Variants in PLEKHA5 observed in about 807,000 individuals in gnomAD.
PLEKHA5 encodes the protein pleckstrin homology domain containing A5.
Under a neutral mutation model 181.9 loss-of-function variants are expected in PLEKHA5, and 55 were observed. The observed-to-expected ratio is 0.30, with a 90% CI of 0.24 to 0.38. The LOEUF (loss-of-function observed/expected upper bound fraction) is 0.38, where lower values mean the gene tolerates loss of function less well. PLEKHA5 is among the 10% of genes least tolerant of loss of function. The pLI is 1.00. For synonymous variants in PLEKHA5, 535 were observed against 529.4 expected (o/e 1.01, Z -0.15); for missense variants, 1,432 against 1,549.5 (o/e 0.92, Z 1.27).
At chr12:19,185,949 T>A (rs1255554410) in intron 3 of PLEKHA5, among the ~76,000 whole-genome samples, 1 of 152,232 alleles carries the variant, frequency 6.6e-6, no homozygotes, top group Non-Finnish European at 1.5e-5. Context: ...TCTTCTTCAG[T>A]CTCTTTCATA....
chr12:19,180,740 T>G (rs1026866203), intron 3 of PLEKHA5, among the ~76,000 whole-genome samples: 4 of 152,018 alleles, frequency 2.6e-5, no homozygotes, highest in Admixed American at 1.3e-4. Context: ...CTGAATTGTT[T>G]GTTATAGAAG....
chr12:19,164,949 C>T (rs2043948428), intron 3 of PLEKHA5, among the ~76,000 whole-genome samples: 2 of 152,070 alleles, frequency 1.3e-5, no homozygotes, highest in African/African-American at 4.8e-5. Context: ...TTCCCCACCT[C>T]AACTCCTCTG....
chr12:19,178,679 A>G (rs906803508), intron 3 of PLEKHA5, among the ~76,000 whole-genome samples: 6 of 152,204 alleles, frequency 3.9e-5, no homozygotes, highest in African/African-American at 1.2e-4. Context: ...GAAAATGGCA[A>G]AACTGAGATT....
intron 3 of PLEKHA5, among the ~76,000 whole-genome samples, chr12:19,142,845 C>G (rs565168970): frequency 8.7e-4 from 133 of 152,210 alleles, no homozygotes; most frequent in African/African-American, 3.1e-3. Context: ...ATGTATTTTA[C>G]TTTACAAACT....
At chr12:19,319,148 C>G (rs538089527) in intron 16 of PLEKHA5, among the ~76,000 whole-genome samples, 2 of 152,076 alleles carry the variant, frequency 1.3e-5, no homozygotes, top group East Asian at 3.9e-4. Flanking sequence ...TGACACTTCT[C>G]AGGACACACC....
At chr12:19,268,145 G>A (rs1023152439) in intron 8 of PLEKHA5, among the ~76,000 whole-genome samples, 3 of 152,096 alleles carry the variant, frequency 2.0e-5, no homozygotes, top group African/African-American at 7.2e-5. Flanking sequence ...TGTATCAACA[G>A]TATAAACCAG....
At chr12:19,161,597 C>A (rs2151484681) in intron 3 of PLEKHA5, among the ~76,000 whole-genome samples, 1 of 152,086 alleles carries the variant, frequency 6.6e-6, no homozygotes, top group South Asian at 2.1e-4. Context: ...CAGTGTGCAG[C>A]CAACCAAGGG....
intron 16 of PLEKHA5, among the ~76,000 whole-genome samples, chr12:19,315,754 G>T (rs1257023433): frequency 4.0e-5 from 6 of 151,814 alleles, no homozygotes; most frequent in Non-Finnish European, 7.4e-5. Context: ...AATATATAAG[G>T]CACCTAGTAA....
In PLEKHA5 at chr12:19,359,459, T is replaced by A; in HGVS notation, c.3396T>A (p.Asn1132Lys). The A allele has an allele frequency of 6.2e-7, 1 of 1,613,572 alleles. No individual in the cohort carries two copies. The highest frequency in any genetic ancestry group is 2.2e-5 in the East Asian group (1 of 44,850). ...DKELDTAIRE[N>K]DVKPDHETPA... Reference sequence around the variant, plus strand: ...AACTGGACACTGCCATTAGAGAAAATGATGTAAAGCCAGACCATGAAACTC... The same window carrying A: ...AACTGGACACTGCCATTAGAGAAAAAGATGTAAAGCCAGACCATGAAACTC... Residue 1132 changes from asparagine (N) to lysine (K), a missense_variant, in exon 28 of 32, where the codon AAT (asparagine) becomes AAA (lysine). Around this residue, in one of 2 missense-constraint regions of PLEKHA5, gnomAD observed 1,143 missense variants for 1,168.4 expected, o/e 0.98. Coordinates refer to ENST00000429027, the MANE Select transcript of PLEKHA5 (RefSeq NM_001256470.2).
chr12:19,157,471 G>A (rs61913275), intron 3 of PLEKHA5, among the ~76,000 whole-genome samples: 5 of 151,488 alleles, frequency 3.3e-5, no homozygotes, highest in African/African-American at 1.2e-4. Context: ...GCTAATAAGT[G>A]GGTTTTTTTT....
At chr12:19,202,736 A>G (rs1017969799) in intron 3 of PLEKHA5, among the ~76,000 whole-genome samples, 5 of 152,216 alleles carry the variant, frequency 3.3e-5, no homozygotes, top group African/African-American at 1.2e-4. Context: ...AGGCTCATGT[A>G]TTCATTTCCA....
intron 11 of PLEKHA5, among the ~76,000 whole-genome samples, chr12:19,279,871 CTG>C (rs1179348741): frequency 1.3e-5 from 2 of 151,820 alleles, no homozygotes; most frequent in African/African-American, 4.8e-5. Context: ...TATATCCCCT[CTG>C]GATGCTTTAA....
chr12:19,200,680 C>T, intron 3 of PLEKHA5: 1 of 1,026,294 alleles, frequency 9.7e-7, no homozygotes, highest in Non-Finnish European at 1.2e-6. Flanking sequence ...TAACCCTTTC[C>T]TTGCTTGCTA....
At chr12:19,337,706 A>G (rs2093559435) in intron 21 of PLEKHA5, among the ~76,000 whole-genome samples, 1 of 152,174 alleles carries the variant, frequency 6.6e-6, no homozygotes, top group Non-Finnish European at 1.5e-5. Flanking sequence ...TGGACTTAAC[A>G]GACAGATCAA....
At chr12:19,258,995 G>C (rs1278078320) in intron 6 of PLEKHA5, among the ~76,000 whole-genome samples, 1 of 152,082 alleles carries the variant, frequency 6.6e-6, no homozygotes, top group East Asian at 1.9e-4. Flanking sequence ...AATAGCTCTT[G>C]TTCTTATTTC....
rs955263125 is a variant in PLEKHA5, at chr12:19,338,882, CA to C, written c.2550+2281del. ...CTGAGTGATGGGCAAAAGTCCATCTCAAAAAAAAAAAAAAATAAGAAATCAG... is the reference window on the plus strand; with the variant it reads ...CTGAGTGATGGGCAAAAGTCCATCTCAAAAAAAAAAAAAATAAGAAATCAG... On this transcript the variant is annotated intron_variant, in intron 21 of 31. Coordinates refer to ENST00000429027, the MANE Select transcript of PLEKHA5 (RefSeq NM_001256470.2). Among the ~76,000 whole-genome samples, 554 of 108,812 alleles carry C rather than the reference CA, an allele frequency of 5.1e-3. 2 individuals are homozygous for C. Among genetic ancestry groups the C allele is most frequent in the African/African-American group, 0.017 (427 of 24,974 alleles). The allele number at this position is 108,812 out of a possible 152,430, so 71.4% of individuals were successfully genotyped here. A position where few individuals can be genotyped will look rare whatever the true frequency, so the allele number is the denominator to read the frequency against.
chr12:19,249,497 G>A (rs954213219), intron 3 of PLEKHA5, among the ~76,000 whole-genome samples: 16 of 152,244 alleles, frequency 1.1e-4, no homozygotes, highest in Admixed American at 7.9e-4. Context: ...CTTAAGAATT[G>A]TTTATTTCTG....
chr12:19,132,771 A>AT (rs2034321541), intron 3 of PLEKHA5, among the ~76,000 whole-genome samples: 1 of 100,060 alleles, frequency 1.0e-5, no homozygotes, highest in South Asian at 3.5e-4. Flanking sequence ...GACCACAATT[A>AT]CCTTTTTTTT....
At chr12:19,315,129 T>G (rs568557353) in intron 16 of PLEKHA5, among the ~76,000 whole-genome samples, 147 of 152,276 alleles carry the variant, frequency 9.7e-4, no homozygotes, top group Middle Eastern at 3.4e-3. Flanking sequence ...TTTCCTAAAG[T>G]TTTTGTGCAG....
Sources: gnomAD v4.1 joint callset for allele counts (sites outside exome capture counted in the v4.1 genomes callset) on GRCh38, gnomAD v4.1.1 for gene constraint, gnomAD v4.1.1 regional missense constraint, MANE v1.5 for transcripts, NCBI Gene and HGNC (gene_info 2026-07-23, HGNC 2026-07-21) for gene names.